Variants in NRG1 observed in about 807,000 individuals in gnomAD.
The protein encoded by NRG1 is neuregulin 1.
A neutral mutation model predicts 63.8 loss-of-function variants in NRG1; 18 were observed. The observed-to-expected ratio is 0.28, with a 90% CI of 0.19 to 0.42. The LOEUF is 0.42. Ranked by LOEUF, NRG1 falls within the 10% of genes least tolerant of loss-of-function variation. The pLI is 1.00. For missense variants in NRG1, 762 were observed against 814.7 expected, an observed-to-expected ratio of 0.94 and a Z score of 0.79; for synonymous variants, 302 against 301.3, an observed-to-expected ratio of 1.00 and a Z score of -0.02.
chr8:32,585,452 C>T (rs865821417), intron 1 of NRG1, among the ~76,000 whole-genome samples: 8 of 152,132 alleles, frequency 5.3e-5, no homozygotes, highest in Non-Finnish European at 1.2e-4. Context: ...CTGCTGGCCG[C>T]GGCGCAGTGA....
At chr8:32,123,483 C>A (rs147434957) in intron 1 of NRG1, among the ~76,000 whole-genome samples, 2,403 of 151,842 alleles carry the variant, frequency 0.016, 34 homozygotes, top group South Asian at 0.058. Flanking sequence ...GTCAATTAAA[C>A]CTCTTTCCTT....
At chr8:31,819,186 C>A (rs1823764081) in intron 1 of NRG1, among the ~76,000 whole-genome samples, 1 of 135,538 alleles carries the variant, frequency 7.4e-6, no homozygotes, top group African/African-American at 2.6e-5. Context: ...TTGCAGCGAG[C>A]TATGATTGTG....
intron 1 of NRG1, among the ~76,000 whole-genome samples, chr8:32,458,244 G>T (rs79851071): frequency 0.053 from 8,030 of 152,118 alleles, 285 homozygotes; most frequent in Middle Eastern, 0.085. Flanking sequence ...AAGTACATTG[G>T]ATCCATAGTA....
intron 1 of NRG1, among the ~76,000 whole-genome samples, chr8:32,126,011 A>G (rs1419589327): frequency 2.0e-5 from 3 of 151,890 alleles, no homozygotes; most frequent in Non-Finnish European, 4.4e-5. Flanking sequence ...TACTTCTAGT[A>G]TGGCCCTTTC....
chr8:31,903,475 G>A (rs1162871206), intron 1 of NRG1, among the ~76,000 whole-genome samples: 1 of 151,906 alleles, frequency 6.6e-6, no homozygotes, highest in Non-Finnish European at 1.5e-5. Context: ...TCTTCCATGA[G>A]AGGCCCTAAA....
intron 1 of NRG1, among the ~76,000 whole-genome samples, chr8:32,233,279 A>T (rs1214740915): frequency 6.6e-6 from 1 of 151,332 alleles, no homozygotes; most frequent in Non-Finnish European, 1.5e-5. Context: ...TTTTTTAAAA[A>T]TTTCCTATTT....
intron 1 of NRG1, among the ~76,000 whole-genome samples, chr8:32,370,083 T>A (rs900517202): frequency 2.6e-5 from 4 of 152,174 alleles, no homozygotes; most frequent in African/African-American, 9.6e-5. Flanking sequence ...TGACATGAAC[T>A]GGCAAATGGC....
chr8:32,354,070 GAA>G (rs556559788), intron 1 of NRG1, among the ~76,000 whole-genome samples: 2 of 152,106 alleles, frequency 1.3e-5, no homozygotes, highest in Non-Finnish European at 2.9e-5. Flanking sequence ...GATGCTAGAC[GAA>G]AAAGAGTACA....
chr8:32,119,922 A>G (rs1833218627), intron 1 of NRG1, among the ~76,000 whole-genome samples: 1 of 152,108 alleles, frequency 6.6e-6, no homozygotes, highest in African/African-American at 2.4e-5. Context: ...AAAAAATACA[A>G]TTGATTACCA....
intron 1 of NRG1, among the ~76,000 whole-genome samples, chr8:32,403,262 T>C (rs1294833728): frequency 7.4e-6 from 1 of 134,922 alleles, no homozygotes; most frequent in Non-Finnish European, 1.5e-5. Context: ...ATCATGCCAC[T>C]GCACTCCAGC....
chr8:31,809,922 G>A (rs2131775612), intron 1 of NRG1, among the ~76,000 whole-genome samples: 1 of 151,064 alleles, frequency 6.6e-6, no homozygotes, highest in African/African-American at 2.4e-5. Context: ...CTGCTATTCA[G>A]CACCTTCGAC....
At chr8:31,662,775 T>C (rs1806125908) in intron 1 of NRG1, among the ~76,000 whole-genome samples, 1 of 152,194 alleles carries the variant, frequency 6.6e-6, no homozygotes, top group South Asian at 2.1e-4. Flanking sequence ...TGAATGTTCT[T>C]AGAGACACTT....
intron 1 of NRG1, among the ~76,000 whole-genome samples, chr8:31,773,840 A>G (rs143037935): frequency 1.3e-5 from 2 of 152,198 alleles, no homozygotes; most frequent in African/African-American, 4.8e-5. Flanking sequence ...ATGACACAGT[A>G]TTTGTATATT....
At chr8:32,608,092 GTTT>G (rs1226154193) in intron 3 of NRG1, among the ~76,000 whole-genome samples, 2,805 of 106,076 alleles carry the variant, frequency 0.026, 108 homozygotes, top group African/African-American at 0.09. Flanking sequence ...GGTTTTTTTT[GTTT>G]TTTTTTTTTT....
At chr8:31,873,802 T>A (rs1300803142) in intron 1 of NRG1, among the ~76,000 whole-genome samples, 1 of 152,222 alleles carries the variant, frequency 6.6e-6, no homozygotes, top group Non-Finnish European at 1.5e-5. Context: ...TTGTGTGTTT[T>A]AAAATATTCC....
At chr8:32,323,686 A>G (rs1035891794) in intron 1 of NRG1, among the ~76,000 whole-genome samples, 9 of 152,188 alleles carry the variant, frequency 5.9e-5, no homozygotes, top group African/African-American at 2.2e-4. Context: ...TTGGAATTTG[A>G]TTCATTTCCT....
chr8:31,724,917 G>T (rs781229136), intron 1 of NRG1, among the ~76,000 whole-genome samples: 1 of 152,090 alleles, frequency 6.6e-6, no homozygotes, highest in Non-Finnish European at 1.5e-5. Flanking sequence ...TGAACCATAG[G>T]TCTCTGTTGC....
intron 1 of NRG1, among the ~76,000 whole-genome samples, chr8:31,934,338 T>C (rs942339066): frequency 1.3e-5 from 2 of 150,740 alleles, no homozygotes; most frequent in Non-Finnish European, 1.5e-5. Context: ...TGTGTATATA[T>C]ACATATATAT....
chr8:31,967,501 C>A (rs1239414057), intron 1 of NRG1, among the ~76,000 whole-genome samples: 1 of 152,116 alleles, frequency 6.6e-6, no homozygotes, highest in African/African-American at 2.4e-5. Flanking sequence ...GGGCTGAAAG[C>A]AAGGCAATAG....
Sources: gnomAD v4.1 joint callset for allele counts (sites outside exome capture counted in the v4.1 genomes callset) on GRCh38, gnomAD v4.1.1 for gene constraint, MANE v1.5 for transcripts, NCBI Gene and HGNC (gene_info 2026-07-23, HGNC 2026-07-21) for gene names.